DCHS2: variants seen among roughly 807,000 people sequenced by gnomAD.
DCHS2 encodes the protein dachsous cadherin-related 2, also known as protocadherin-23.
In DCHS2, 142 loss-of-function variants were observed where a neutral mutation model predicts 182.4. The ratio of observed to expected loss-of-function variants is 0.78; its 90% CI spans 0.68 to 0.89. DCHS2 has a LOEUF of 0.89. Ranked by LOEUF, DCHS2 falls within the 40% of genes least tolerant of loss-of-function variation. The pLI, the probability that DCHS2 is intolerant of heterozygous loss-of-function variation, is 0.00. For missense variants in DCHS2, 4,319 were observed against 4,198.6 expected (o/e 1.03, Z -0.79); for synonymous variants, 1,740 against 1,663.3 (o/e 1.05, Z -1.12).
At position 154,393,384 on chromosome 4, in the gene DCHS2, A is replaced by C. The variant is rs1240222525; in HGVS notation, c.2053-15940T>G. On this transcript the variant is annotated intron_variant, in intron 1 of 19. Transcript: ENST00000357232. ...CTTGAAAGCTTTTGGTTGGGGGAAA[A>C]AAAATGGGCTTCATATTTTAACACA... Among the ~76,000 whole-genome samples the C allele has an allele frequency of 3.3e-5, 5 of 152,198 alleles. No homozygotes were observed. In the East Asian group the frequency reaches 9.6e-4, roughly 29 times the overall value.
At chr4:154,417,013 A>G (rs1184440634) in intron 1 of DCHS2, among the ~76,000 whole-genome samples, 1 of 152,106 alleles carries the variant, frequency 6.6e-6, no homozygotes. Flanking sequence ...GGGATCACGG[A>G]CGCCAAGCGG....
At chr4:154,402,668 A>G (rs997334856) in intron 1 of DCHS2, among the ~76,000 whole-genome samples, 3 of 152,252 alleles carry the variant, frequency 2.0e-5, no homozygotes, top group Middle Eastern at 3.4e-3. Flanking sequence ...CCTTGTCTCA[A>G]ATGAGGGTTT....
intron 1 of DCHS2, among the ~76,000 whole-genome samples, chr4:154,423,090 A>G (rs1191969846): frequency 1.3e-5 from 2 of 152,238 alleles, no homozygotes; most frequent in East Asian, 1.9e-4. Context: ...CTCATACCAT[A>G]AACTCCACCC....
chr4:154,361,327 AT>A (rs1730110989), intron 3 of DCHS2, among the ~76,000 whole-genome samples: 2 of 152,100 alleles, frequency 1.3e-5, no homozygotes, highest in South Asian at 4.1e-4. Flanking sequence ...TGAATCTAAA[AT>A]AAAAGTTGAA....
intron 16 of DCHS2, among the ~76,000 whole-genome samples, chr4:154,254,610 G>A (rs1448985312): frequency 2.0e-5 from 3 of 152,214 alleles, no homozygotes; most frequent in South Asian, 4.1e-4. Flanking sequence ...GCCAAGGCAG[G>A]TGGATCACTA....
chr4:154,421,373 G>GTTAATTTAATTTAATTTAAT (rs60585355), intron 1 of DCHS2, among the ~76,000 whole-genome samples: 25 of 149,062 alleles, frequency 1.7e-4, no homozygotes, highest in Admixed American at 6.7e-4. Flanking sequence ...TCTCATCTGT[G>GTTAATTTAATTTAATTTAAT]TTAATTTAAT....
At chr4:154,352,703 T>C (rs1052012450) in intron 3 of DCHS2, among the ~76,000 whole-genome samples, 9 of 152,214 alleles carry the variant, frequency 5.9e-5, no homozygotes, top group Non-Finnish European at 8.8e-5. Flanking sequence ...TCCTCATAAA[T>C]GCTTCAATAA....
intron 1 of DCHS2, among the ~76,000 whole-genome samples, chr4:154,406,705 TA>T (rs1732416502): frequency 6.6e-6 from 1 of 152,230 alleles, no homozygotes; most frequent in South Asian, 2.1e-4. Context: ...ACTTACATGT[TA>T]TATGTACTTG....
chr4:154,259,525 C>A lies in DCHS2; in HGVS notation c.6789+20G>T, dbSNP rs779609051. 1.6e-5 allele frequency: 25 copies of A among 1,609,604 alleles called. No individual in the cohort carries two copies. Among genetic ancestry groups the A allele is most frequent in the Non-Finnish European group, 2.1e-5 (25 of 1,178,924 alleles). On this transcript the variant is annotated intron_variant, in intron 15 of 19. Transcript: ENST00000357232. ...CCACACACACACACACACACACACA[C>A]ACAAATATATTTCTGTTACCTGTAT...
intron 3 of DCHS2, among the ~76,000 whole-genome samples, chr4:154,335,366 A>T (rs1728747493): frequency 6.6e-6 from 1 of 152,208 alleles, no homozygotes; most frequent in South Asian, 2.1e-4. Context: ...AATCCACTGA[A>T]GGCCTGAATA....
rs1284960647 is a variant in DCHS2, at chr4:154,489,885, G to T, written c.1471C>A (p.Leu491Ile). 11 of 1,541,302 alleles carry T rather than the reference G, an allele frequency of 7.1e-6. No homozygotes were observed. In the East Asian group the frequency reaches 2.7e-4, roughly 38 times the overall value. The part of the protein sequence containing the change: ...LPGGPPGVFF[L>I]CVEGPLDRES... Reference sequence around the variant, plus strand: ...CTGTCCAGGGGCCCCTCCACGCAAAGGAAAAATACCCCTGGGGGGCCGCCG... The same window carrying T: ...CTGTCCAGGGGCCCCTCCACGCAAATGAAAAATACCCCTGGGGGGCCGCCG... Residue 491 changes from leucine to isoleucine, a missense_variant, in exon 1 of 20, where the codon CTT becomes ATT. Transcript: ENST00000357232.
chr4:154,413,866 C>T (rs1348175133), intron 1 of DCHS2, among the ~76,000 whole-genome samples: 2 of 152,172 alleles, frequency 1.3e-5, no homozygotes, highest in Non-Finnish European at 2.9e-5. Flanking sequence ...TTACCCTTAC[C>T]CTTGTAAACA....
rs1277443785 is a variant in DCHS2 at position 154,472,220 on chromosome 4, C to T, written c.2052+17084G>A. ...TGTTTTCTCTTCTATACTTTATCCC[C>T]TTGACAATGATTGTAATTTTCTGTA... is the stretch of plus-strand genomic sequence containing the variant. On this transcript the variant is annotated intron_variant, in intron 1 of 19. Transcript: ENST00000357232. 3.9e-5 allele frequency among the ~76,000 whole-genome samples: 6 copies of T among 152,290 alleles called. No homozygotes were observed. The East Asian group carries it at 1.2e-3, about 29-fold the overall frequency.
chr4:154,242,564 A>C, intron 17 of DCHS2, 78 bp downstream of exon 17: 1 of 1,531,626 alleles, frequency 6.5e-7, no homozygotes, highest in Middle Eastern at 1.9e-4. Context: ...TCATGTTAAT[A>C]CAGTGTCTGG....
intron 1 of DCHS2, among the ~76,000 whole-genome samples, chr4:154,445,926 A>C (rs1379772927): frequency 6.6e-6 from 1 of 152,168 alleles, no homozygotes; most frequent in African/African-American, 2.4e-5. Flanking sequence ...ATAAGAATGC[A>C]TTTGTCTACC....
At chr4:154,463,505 G>T (rs184273218) in intron 1 of DCHS2, among the ~76,000 whole-genome samples, 144 of 152,122 alleles carry the variant, frequency 9.5e-4, no homozygotes, top group Non-Finnish European at 1.6e-3. Context: ...AAAACTGTAC[G>T]CTAACAATTT....
intron 13 of DCHS2, among the ~76,000 whole-genome samples, chr4:154,288,934 G>C (rs1034777648): frequency 6.6e-6 from 1 of 152,022 alleles, no homozygotes; most frequent in South Asian, 2.1e-4. Flanking sequence ...GCAGTACAAA[G>C]AGTAAAGTTT....
chr4:154,371,850 A>G (rs4696552), intron 2 of DCHS2, among the ~76,000 whole-genome samples: 127,029 of 151,904 alleles, frequency 0.84, 53,237 homozygotes, highest in South Asian at 0.92. Context: ...ACAGTACCGG[A>G]GGGGGATGGT....
At chr4:154,342,619 C>A (rs1729160962) in intron 3 of DCHS2, among the ~76,000 whole-genome samples, 3 of 152,084 alleles carry the variant, frequency 2.0e-5, no homozygotes, top group African/African-American at 7.2e-5. Context: ...TTTGCTCATC[C>A]AAAAAAGCAA....
Sources: gnomAD v4.1 joint callset for allele counts (sites outside exome capture counted in the v4.1 genomes callset) on GRCh38, gnomAD v4.1.1 for gene constraint, MANE v1.5 for transcripts, NCBI Gene and HGNC (gene_info 2026-07-23, HGNC 2026-07-21) for gene names.